Variants in RC3H2 observed in about 807,000 individuals in gnomAD.
RC3H2 encodes the protein roquin-2.
A neutral mutation model predicts 133.3 loss-of-function variants in RC3H2; 31 were observed. The ratio of observed to expected loss-of-function variants is 0.23; its 90% CI spans 0.17 to 0.31. The LOEUF is 0.31. RC3H2 is among the 10% of genes least tolerant of loss of function. The probability of loss-of-function intolerance (pLI) is 1.00; values close to 1 mark genes in which losing one functional copy is unlikely to be tolerated. For synonymous variants in RC3H2, 517 were observed against 502.2 expected, an observed-to-expected ratio of 1.03 and a Z score of -0.40; for missense variants, 1,175 against 1,437.2, an observed-to-expected ratio of 0.82 and a Z score of 2.95.
intron 3 of RC3H2, among the ~76,000 whole-genome samples, chr9:122,892,701 G>A (rs1349777934): frequency 6.6e-6 from 1 of 152,102 alleles, no homozygotes; most frequent in Non-Finnish European, 1.5e-5. Flanking sequence ...GTGAGCCACC[G>A]CGCCCGGCTC....
At chr9:122,904,708 C>T (rs1281357387) in intron 1 of RC3H2, among the ~76,000 whole-genome samples, 1 of 152,234 alleles carries the variant, frequency 6.6e-6, no homozygotes, top group East Asian at 1.9e-4. Context: ...ACGCTAGGGT[C>T]TCGGGAAGCC....
intron 18 of RC3H2, chr9:122,853,726 G>A (rs978848945): frequency 6.7e-6 from 8 of 1,199,428 alleles, no homozygotes; most frequent in Admixed American, 2.8e-5. Flanking sequence ...CACTCCAGGC[G>A]ATAGAGCAAG....
At chr9:122,863,700 A>G (rs924679606) in intron 10 of RC3H2, among the ~76,000 whole-genome samples, 2 of 152,172 alleles carry the variant, frequency 1.3e-5, no homozygotes, top group Non-Finnish European at 2.9e-5. Context: ...GTTCTCAAAT[A>G]TATCTTTTCT....
chr9:122,851,536 T>C, intron 18 of RC3H2, 100 bp from the exon 19 acceptor site: 1 of 1,474,878 alleles, frequency 6.8e-7, no homozygotes, highest in African/African-American at 1.4e-5. Flanking sequence ...ATGGTCTCCC[T>C]CTCATGCCGA....
intron 9 of RC3H2, among the ~76,000 whole-genome samples, chr9:122,868,270 G>A (rs957039385): frequency 6.6e-6 from 1 of 152,270 alleles, no homozygotes; most frequent in African/African-American, 2.4e-5. Flanking sequence ...AACGGGCCAT[G>A]ATGACAATTG....
chr9:122,893,856 G>A (rs1340091701), intron 2 of RC3H2, among the ~76,000 whole-genome samples: 1 of 152,100 alleles, frequency 6.6e-6, no homozygotes, highest in Non-Finnish European at 1.5e-5. Flanking sequence ...AAAAATTGCA[G>A]CTCTGCTACT....
At position 122,892,110 on chromosome 9, in the gene RC3H2, T is replaced by C. The variant is rs545174335; in HGVS notation, c.349+799A>G. On this transcript the variant is annotated intron_variant, in intron 3 of 20. Coordinates refer to ENST00000357244, the MANE Select transcript of RC3H2 (RefSeq NM_001100588.3). ...AAATTTCAAGATGCAGTGACTCTGG[T>C]AAATTTTTTTTTTTTTTTTGAGACA... Among the ~76,000 whole-genome samples the C allele has an allele frequency of 1.2e-3, 186 of 151,956 alleles. 2 individuals are homozygous for C. The highest frequency in any genetic ancestry group is 6.8e-3 in the Middle Eastern group (2 of 294).
rs10818759 is a variant in RC3H2 at position 122,890,478 on chromosome 9, G to A, written c.417C>T (p.Asn139=). The change falls in exon 4 of 21, where the codon AAC becomes AAT. Residue 139 remains asparagine, a synonymous_variant. Coordinates refer to ENST00000357244, the MANE Select transcript of RC3H2 (RefSeq NM_001100588.3). The part of the protein sequence containing the change: ...PMQRKLVTLV[N]CQLVEEEGRV... ...GACCTTCTTCCTCCACCAGTTGACA[G>A]TTTACAAGTGTCACCAGTTTCCTTT... 243,877 of 1,613,980 alleles carry A rather than the reference G, an allele frequency of 0.15. 29,851 individuals are homozygous for A. The highest frequency in any genetic ancestry group is 0.69 in the East Asian group (30,916 of 44,848).
intron 2 of RC3H2, among the ~76,000 whole-genome samples, chr9:122,896,597 T>C (rs921867919): frequency 2.6e-5 from 4 of 152,166 alleles, no homozygotes; most frequent in Non-Finnish European, 4.4e-5. Context: ...ATCAGGTACA[T>C]TGAAATTTAT....
chr9:122,854,453 C>G, intron 16 of RC3H2, 78 bp downstream of exon 16: 1 of 1,229,862 alleles, frequency 8.1e-7, no homozygotes, highest in Non-Finnish European at 1.2e-6. Flanking sequence ...ATTTCATGAA[C>G]TGGGGGTAGA....
At chr9:122,873,208 A>G (rs1831175199) in intron 9 of RC3H2, among the ~76,000 whole-genome samples, 1 of 152,226 alleles carries the variant, frequency 6.6e-6, no homozygotes, top group Non-Finnish European at 1.5e-5. Flanking sequence ...CAAAAAGCTC[A>G]GAGTGAGGTA....
At position 122,905,312 on chromosome 9, in the gene RC3H2, GC is replaced by G. The variant is rs1469321576; in HGVS notation, c.-271del. 1 of 958,534 alleles carries G rather than the reference GC, an allele frequency of 1.0e-6. No homozygotes were observed. Among genetic ancestry groups the G allele is most frequent in the Non-Finnish European group, 1.2e-6 (1 of 805,158 alleles). 59.4% of individuals were successfully genotyped at this position (958,534 alleles called of 1,614,324 possible). ...GCCTCCTCCTCCTCCCTCCACCTCC[GC>G]CTCCTCCTCCTCCTCCTCCTCACCA... On this transcript the variant is annotated 5_prime_UTR_variant, in exon 1 of 21. Transcript: ENST00000357244.
intron 3 of RC3H2, 83 bp from the exon 4 acceptor site, chr9:122,890,628 T>G (rs1312421366): frequency 2.0e-6 from 2 of 994,386 alleles, no homozygotes; most frequent in Non-Finnish European, 1.5e-6. Flanking sequence ...ATTTAACGAT[T>G]AAGCCACAAT....
intron 15 of RC3H2, among the ~76,000 whole-genome samples, chr9:122,854,925 G>A (rs574072894): frequency 2.0e-5 from 3 of 152,104 alleles, no homozygotes; most frequent in Admixed American, 6.5e-5. Flanking sequence ...CCAACATGGC[G>A]AAACTAAAAT....
chr9:122,859,839 ACATT>A, intron 11 of RC3H2, 74 bp downstream of exon 11: 1 of 1,172,566 alleles, frequency 8.5e-7, no homozygotes, highest in Non-Finnish European at 1.2e-6. Context: ...TTAAATGTAG[ACATT>A]CTAGAACTAT....
rs145601849 is a variant in RC3H2, at chr9:122,888,117, T to G, written c.583+2195A>C. 1.2e-3 allele frequency among the ~76,000 whole-genome samples: 181 copies of G among 152,302 alleles called. 1 individual carries two copies. The highest frequency in any genetic ancestry group is 1.9e-3 in the Non-Finnish European group (128 of 68,026). On this transcript the variant is annotated intron_variant, in intron 4 of 20. Coordinates refer to ENST00000357244, the MANE Select transcript of RC3H2 (RefSeq NM_001100588.3). ...AACATAATTATTTGCTTGCTTGTTT[T>G]ATCCAACTGTGTGTCTGTTTAAGTT... is the stretch of plus-strand genomic sequence containing the variant.
intron 1 of RC3H2, among the ~76,000 whole-genome samples, chr9:122,902,280 T>G (rs988727286): frequency 2.0e-5 from 3 of 152,146 alleles, no homozygotes; most frequent in Non-Finnish European, 4.4e-5. Flanking sequence ...ACGAGAAAAA[T>G]ACTTTCTTTG....
intron 5 of RC3H2, among the ~76,000 whole-genome samples, chr9:122,882,516 C>T (rs888776516): frequency 6.6e-6 from 1 of 152,278 alleles, no homozygotes; most frequent in Middle Eastern, 3.4e-3. Context: ...AGCCAATAGG[C>T]CTTTCTATTT....
chr9:122,870,478 A>G (rs1374122639), intron 9 of RC3H2, among the ~76,000 whole-genome samples: 1 of 152,214 alleles, frequency 6.6e-6, no homozygotes, highest in Non-Finnish European at 1.5e-5. Flanking sequence ...ATAAAGTTTT[A>G]ACTATGAACC....
Sources: allele counts gnomAD v4.1 joint callset (sites outside exome capture counted in the v4.1 genomes callset), GRCh38; gene constraint gnomAD v4.1.1; transcripts MANE v1.5; gene names NCBI Gene and HGNC (gene_info 2026-07-23, HGNC 2026-07-21).